Variants in DRP2 observed in about 807,000 individuals in gnomAD.
DRP2 encodes dystrophin related protein 2.
In DRP2, 29 loss-of-function variants were observed where a neutral mutation model predicts 78.2. The ratio of observed to expected loss-of-function variants is 0.37; its 90% confidence interval spans 0.28 to 0.51. The LOEUF (loss-of-function observed/expected upper bound fraction) is 0.51, where lower values mean the gene tolerates loss of function less well. DRP2 is among the 20% of genes least tolerant of loss of function. DRP2 has a pLI of 0.94. For synonymous variants in DRP2, 290 were observed against 281.9 expected (o/e 1.03, Z -0.29); for missense variants, 686 against 770.6 (o/e 0.89, Z 1.30).
At chrX:101,228,487 C>T (rs1351995482) in intron 2 of DRP2, among the ~76,000 whole-genome samples, 1 of 111,539 alleles carries the variant, frequency 9.0e-6, no homozygotes, top group Non-Finnish European at 1.9e-5. Context: ...CACTGAGGCT[C>T]AGAGAGGTTA....
At chrX:101,235,802 G>T (rs1922477883) in intron 3 of DRP2, 58 bp from the exon 4 acceptor site, 1 of 1,135,434 alleles carries the variant, frequency 8.8e-7, no homozygotes, top group African/African-American at 1.8e-5. Flanking sequence ...CCTTGGCTTG[G>T]TGCAGACCAG....
chrX:101,224,843 C>T (rs1039760539), intron 2 of DRP2, 137 bp downstream of exon 2: 17 of 112,404 alleles, frequency 1.5e-4, no homozygotes, highest in African/African-American at 5.2e-4. Context: ...ATGTCCCAGA[C>T]AATAATGCTG....
In DRP2 at chrX:101,260,107, A is replaced by G. The variant is rs747873353; in HGVS notation, c.2687A>G (p.Gln896Arg). 8.3e-7 allele frequency: 1 copy of G among 1,211,074 alleles called. No individual in the cohort carries two copies. The highest frequency in any genetic ancestry group is 1.1e-6 in the Non-Finnish European group (1 of 895,253). ...GGCTCGTCCCTAGCTTCCTCTCCAC[A>G]GCAGTCAGAAGGCAGTCACCCCCGG... is the stretch of plus-strand genomic sequence containing the variant. ...SAGSSLASSP[Q>R]QSEGSHPREK... Residue 896 changes from glutamine to arginine, a missense_variant, in exon 23 of 24, where the codon CAG (glutamine) becomes CGG (arginine). Physicochemically the swap from Gln to Arg is conservative, Grantham distance 43 (BLOSUM62 1). Transcript: ENST00000395209.
rs1390346994 is a variant in DRP2, at chrX:101,241,926, A to G, written c.818A>G (p.Gln273Arg). The G allele has an allele frequency of 1.6e-5, 19 of 1,164,160 alleles. No homozygotes were observed. The highest frequency in any genetic ancestry group is 2.1e-5 in the Non-Finnish European group (18 of 871,260). ...LFIDSLPEHI[Q>R]AIKLFKEEFS... The stretch of plus-strand genomic sequence containing the variant: ...ATTGATTCACTCCCAGAGCACATCC[A>G]GGCTATTAAGGTATGCAAGCCCCCT... Residue 273 changes from glutamine to arginine, a missense_variant, in exon 7 of 24, where the codon CAG becomes CGG. Around this residue, in one of 2 missense-constraint regions of DRP2, gnomAD observed 263 missense variants for 239.1 expected, o/e 1.10. Transcript: ENST00000395209.
At chrX:101,257,328 G>A (rs374748789) in intron 21 of DRP2, among the ~76,000 whole-genome samples, 31 of 106,624 alleles carry the variant, frequency 2.9e-4, no homozygotes, top group African/African-American at 1.1e-3. Flanking sequence ...TGTTCCACAG[G>A]CCACACTTGG....
intron 3 of DRP2, among the ~76,000 whole-genome samples, chrX:101,232,959 C>A (rs1198583729): frequency 8.9e-6 from 1 of 112,446 alleles, no homozygotes; most frequent in African/African-American, 3.2e-5. Context: ...TCCTTTCCTG[C>A]AACCTTTTTC....
chrX:101,259,135 C>G, intron 22 of DRP2, among the ~76,000 whole-genome samples: 1 of 111,816 alleles, frequency 8.9e-6, no homozygotes, highest in Non-Finnish European at 1.9e-5. Flanking sequence ...CCCCAGTTTC[C>G]TCATCTGTAC....
rs1923626093 is a variant in DRP2 at position 101,263,275 on chromosome X, A to G, written c.*2654A>G. ...CAAAATGTGTTGTATGTTGTTAGAC[A>G]TCTTGTTGTGTATTAGTCTTCTAAG... On this transcript the variant is annotated 3_prime_UTR_variant, in exon 24 of 24. Coordinates refer to ENST00000395209, the MANE Select transcript of DRP2 (RefSeq NM_001939.3). 8.9e-6 allele frequency: 1 copy of G among 112,193 alleles called. No individual in the cohort carries two copies. Among genetic ancestry groups the G allele is most frequent in the African/African-American group, 3.2e-5 (1 of 30,858 alleles). 9.2% of individuals were successfully genotyped at this position (112,193 alleles called of 1,213,427 possible). A position where few individuals can be genotyped will look rare whatever the true frequency, so the allele number is the denominator to read the frequency against.
intron 17 of DRP2, 133 bp downstream of exon 17, chrX:101,252,849 C>A: frequency 2.1e-6 from 1 of 482,990 alleles, no homozygotes; most frequent in Non-Finnish European, 3.4e-6. Context: ...TCTGGTGATT[C>A]ACTGGTTTGG....
At chrX:101,259,662 C>G (rs1330838711) in intron 22 of DRP2, among the ~76,000 whole-genome samples, 3 of 111,303 alleles carry the variant, frequency 2.7e-5, no homozygotes, top group Non-Finnish European at 5.7e-5. Flanking sequence ...CCATGCCCGG[C>G]TAATTTTGTA....
chrX:101,225,700 G>C (rs1020651001), intron 2 of DRP2, among the ~76,000 whole-genome samples: 2 of 111,263 alleles, frequency 1.8e-5, no homozygotes, highest in African/African-American at 6.5e-5. Flanking sequence ...GGAGCGGAGA[G>C]GGGGCGAAGA....
intron 22 of DRP2, among the ~76,000 whole-genome samples, chrX:101,259,336 T>C (rs998326095): frequency 4.5e-5 from 5 of 111,730 alleles, no homozygotes; most frequent in Non-Finnish European, 9.4e-5. Flanking sequence ...GAATGGCCTC[T>C]ATGGATTCCT....
In DRP2 at chrX:101,250,987, T is replaced by C. The variant is rs1192716520; in HGVS notation, c.1769T>C (p.Val590Ala). 8.3e-7 allele frequency: 1 copy of C among 1,211,758 alleles called. No homozygotes were observed. Among genetic ancestry groups the C allele is most frequent in the Non-Finnish European group, 1.1e-6 (1 of 895,438 alleles). The change falls in exon 16 of 24, where the codon GTG becomes GCG. Residue 590 changes from valine (V) to alanine (A), a missense_variant. Coordinates refer to ENST00000395209, the MANE Select transcript of DRP2 (RefSeq NM_001939.3). ...EWVNLEPQSM[V>A]WLAVLHRVTI... is the part of the protein sequence containing the mutation. The stretch of plus-strand genomic sequence containing the variant: ...GTCAACCTGGAGCCCCAGTCCATGG[T>C]GTGGCTGGCTGTTCTGCATCGGGTC...
In DRP2 at chrX:101,244,704, G is replaced by A. The variant is rs1308558517; in HGVS notation, c.1055-313G>A. The stretch of plus-strand genomic sequence containing the variant: ...TGCCTGCAGCTGATGGGTAGAAATG[G>A]CAGTCTGCTCAGGGAGAAGATTGTC... On this transcript the variant is annotated intron_variant, in intron 9 of 23. Coordinates refer to ENST00000395209, the MANE Select transcript of DRP2 (RefSeq NM_001939.3). 5.3e-5 allele frequency among the ~76,000 whole-genome samples: 6 copies of A among 112,611 alleles called. No individual in the cohort carries two copies. In the Admixed American group the frequency reaches 5.6e-4, roughly 11 times the overall value.
chrX:101,232,955 C>T (rs1922360273), intron 3 of DRP2, among the ~76,000 whole-genome samples: 1 of 112,481 alleles, frequency 8.9e-6, no homozygotes, highest in African/African-American at 3.2e-5. Context: ...CTCTTCCTTT[C>T]CTGCAACCTT....
At chrX:101,252,830 C>G (rs374351417) in intron 17 of DRP2, 114 bp downstream of exon 17, 69 of 533,607 alleles carry the variant, frequency 1.3e-4, no homozygotes, top group African/African-American at 1.3e-3. Flanking sequence ...GGAGCATTCT[C>G]CAAGGAGCTC....
chrX:101,248,691 C>T, intron 14 of DRP2, 92 bp downstream of exon 14: 3 of 826,985 alleles, frequency 3.6e-6, no homozygotes, highest in Non-Finnish European at 5.3e-6. Flanking sequence ...GAAAGTACAT[C>T]TTGTGACTCA....
intron 8 of DRP2, 132 bp from the exon 9 acceptor site, chrX:101,242,772 G>A (rs1159656328): frequency 3.1e-6 from 2 of 642,064 alleles, no homozygotes; most frequent in African/African-American, 4.5e-5. Context: ...GGAGTTGGGT[G>A]ACGGTGGGAG....
At chrX:101,244,547 T>C (rs1223854964) in intron 9 of DRP2, among the ~76,000 whole-genome samples, 9 of 110,809 alleles carry the variant, frequency 8.1e-5, no homozygotes, top group Admixed American at 2.9e-4. Flanking sequence ...GAGTTCCTCA[T>C]GAGAGAGAGA....
Sources: gnomAD v4.1 joint callset for allele counts (sites outside exome capture counted in the v4.1 genomes callset) on GRCh38, gnomAD v4.1.1 for gene constraint, gnomAD v4.1.1 regional missense constraint, MANE v1.5 for transcripts, NCBI Gene and HGNC (gene_info 2026-07-23, HGNC 2026-07-21) for gene names.